Variants in MAP2K5 observed in about 807,000 individuals in gnomAD.
MAP2K5 encodes the protein dual specificity mitogen-activated protein kinase kinase 5.
MAP2K5 carries 49 observed loss-of-function variants against 83.1 expected under a neutral mutation model. The ratio of observed to expected loss-of-function variants is 0.59; its 90% CI spans 0.47 to 0.75. The LOEUF (loss-of-function observed/expected upper bound fraction) is 0.75. MAP2K5 is among the 30% of genes least tolerant of loss of function. MAP2K5 has a pLI of 0.00. For missense variants in MAP2K5, 457 were observed against 557.5 expected, an observed-to-expected ratio of 0.82 and a Z score of 1.82; for synonymous variants, 202 against 191.8, an observed-to-expected ratio of 1.05 and a Z score of -0.44.
chr15:67,663,263 C>A (rs970856047), intron 12 of MAP2K5, among the ~76,000 whole-genome samples: 8 of 152,168 alleles, frequency 5.3e-5, no homozygotes, highest in Non-Finnish European at 1.0e-4. Flanking sequence ...CACCAATTGT[C>A]CAATAATACC....
intron 11 of MAP2K5, among the ~76,000 whole-genome samples, chr15:67,654,182 T>C (rs1298528549): frequency 6.6e-6 from 1 of 152,132 alleles, no homozygotes; most frequent in African/African-American, 2.4e-5. Context: ...GTTCTTTCAG[T>C]TTATGTTTCA....
chr15:67,733,145 ATTC>A (rs937856183), intron 17 of MAP2K5, among the ~76,000 whole-genome samples: 1 of 152,194 alleles, frequency 6.6e-6, no homozygotes, highest in African/African-American at 2.4e-5. Flanking sequence ...ATTAATTTGC[ATTC>A]TTTGTCAGAA....
At chr15:67,595,390 A>G (rs1025781206) in intron 7 of MAP2K5, among the ~76,000 whole-genome samples, 19 of 152,200 alleles carry the variant, frequency 1.2e-4, no homozygotes, top group African/African-American at 4.3e-4. Context: ...CTGCTCATAG[A>G]GTGTGACTGC....
At chr15:67,558,117 A>G (rs949640256) in intron 2 of MAP2K5, among the ~76,000 whole-genome samples, 1 of 152,192 alleles carries the variant, frequency 6.6e-6, no homozygotes, top group Non-Finnish European at 1.5e-5. Context: ...GCTAATTTGT[A>G]TGAAAATTAA....
intron 13 of MAP2K5, among the ~76,000 whole-genome samples, chr15:67,667,389 C>T (rs1376170935): frequency 6.6e-6 from 1 of 152,086 alleles, no homozygotes; most frequent in Admixed American, 6.6e-5. Flanking sequence ...TTCTTAAAAG[C>T]ACATGTACTC....
intron 7 of MAP2K5, among the ~76,000 whole-genome samples, chr15:67,593,396 G>C (rs1596615353): frequency 6.6e-6 from 1 of 152,182 alleles, no homozygotes; most frequent in African/African-American, 2.4e-5. Context: ...AGTGACAGCA[G>C]ACCTTTGGCA....
Position 67,690,474 on chromosome 15 carries a change from A to C in MAP2K5, c.848-2005A>C, listed in dbSNP as rs1296083244. On this transcript the variant is annotated intron_variant, in intron 13 of 21. Coordinates refer to ENST00000178640, the MANE Select transcript of MAP2K5 (RefSeq NM_145160.3). This position sits in a 1 kb window ranked among gnomAD's most constrained non-coding sequence, Gnocchi z 4.3. Reference sequence around the variant, plus strand: ...GATGGTATAAGAATTATGTTGAAAAATTAGAGAAAACTAGACGCCAAGAGA... The same window carrying C: ...GATGGTATAAGAATTATGTTGAAAACTTAGAGAAAACTAGACGCCAAGAGA... 1.3e-5 allele frequency among the ~76,000 whole-genome samples: 2 copies of C among 152,120 alleles called. No homozygotes were observed. The highest frequency in any genetic ancestry group is 2.9e-5 in the Non-Finnish European group (2 of 68,022).
chr15:67,797,318 G>A (rs535924586), intron 21 of MAP2K5, among the ~76,000 whole-genome samples: 23 of 152,138 alleles, frequency 1.5e-4, no homozygotes, highest in Non-Finnish European at 2.2e-4. Flanking sequence ...GTATTCCTTC[G>A]GAGGTTTCTT....
At position 67,592,985 on chromosome 15, in the gene MAP2K5, T is replaced by C. The variant is rs1282560432; in HGVS notation, c.480+11T>C. On this transcript the variant is annotated intron_variant, in intron 7 of 21. Transcript: ENST00000178640. ...CTAGCCAATGGCCAGGTAGGTATTA[T>C]TATATATTAAGATTTTCACATAATA... 1.9e-6 allele frequency: 3 copies of C among 1,556,510 alleles called. No individual in the cohort carries two copies. Among genetic ancestry groups the C allele is most frequent in the Non-Finnish European group, 2.6e-6 (3 of 1,133,590 alleles).
intron 11 of MAP2K5, among the ~76,000 whole-genome samples, chr15:67,648,809 G>A (rs998120896): frequency 6.6e-6 from 1 of 152,074 alleles, no homozygotes; most frequent in African/African-American, 2.4e-5. Context: ...TCGATCTCCT[G>A]ACCTCGTGAT....
intron 11 of MAP2K5, among the ~76,000 whole-genome samples, chr15:67,653,983 G>A (rs2087011543): frequency 6.6e-6 from 1 of 151,954 alleles, no homozygotes; most frequent in African/African-American, 2.4e-5. Context: ...TTCCACATAT[G>A]CGTACTTGAG....
At chr15:67,588,396 C>CA (rs911717750) in intron 6 of MAP2K5, among the ~76,000 whole-genome samples, 4 of 152,190 alleles carry the variant, frequency 2.6e-5, no homozygotes, top group Non-Finnish European at 5.9e-5. Flanking sequence ...GATTACTACC[C>CA]ATCCCCAGTG....
At chr15:67,751,292 G>A (rs2089712908) in intron 19 of MAP2K5, among the ~76,000 whole-genome samples, 1 of 152,198 alleles carries the variant, frequency 6.6e-6, no homozygotes. Context: ...GCTCCAATCA[G>A]AAATCTTGGT....
At chr15:67,641,469 T>TA in intron 9 of MAP2K5, 1 of 1,000,578 alleles carries the variant, frequency 1.0e-6, no homozygotes, top group Non-Finnish European at 1.2e-6. Flanking sequence ...CTCCAGCAAA[T>TA]AAACGAAGTC....
At chr15:67,618,329 G>A (rs983171253) in intron 8 of MAP2K5, among the ~76,000 whole-genome samples, 9 of 152,208 alleles carry the variant, frequency 5.9e-5, no homozygotes, top group African/African-American at 1.9e-4. Context: ...GTACCTTCTC[G>A]TCTCCTTTAC....
At chr15:67,709,906 G>A (rs1306238362) in intron 16 of MAP2K5, among the ~76,000 whole-genome samples, 1 of 152,176 alleles carries the variant, frequency 6.6e-6, no homozygotes. Flanking sequence ...TATTTTCACT[G>A]AGTATGCTGT....
intron 17 of MAP2K5, among the ~76,000 whole-genome samples, chr15:67,745,708 A>G (rs936963987): frequency 2.8e-4 from 42 of 152,230 alleles, no homozygotes; most frequent in Non-Finnish European, 1.0e-4. Context: ...TAATACATCT[A>G]ACTCTATGGT....
At chr15:67,697,691 T>C (rs924303367) in intron 15 of MAP2K5, among the ~76,000 whole-genome samples, 1 of 152,218 alleles carries the variant, frequency 6.6e-6, no homozygotes, top group African/African-American at 2.4e-5. Flanking sequence ...GTATTAAGAA[T>C]CTTGCTTGTG....
rs1415127553 is a variant in MAP2K5 at position 67,770,448 on chromosome 15, G to GAGAGGAGGAGATTACCTCCTCCT, written c.1196+786_1196+787insGAGGAGGAGATTACCTCCTCCTA. Among the ~76,000 whole-genome samples the GAGAGGAGGAGATTACCTCCTCCT allele has an allele frequency of 1.3e-5, 2 of 152,154 alleles. No homozygotes were observed. ...GCCCTCTCCCTCACTCCAGCACAGA[G>GAGAGGAGGAGATTACCTCCTCCT]AATTACCTAGGAGAGAGGAGGAATT... is the stretch of plus-strand genomic sequence containing the variant. On this transcript the variant is annotated intron_variant, in intron 20 of 21. Coordinates refer to ENST00000178640, the MANE Select transcript of MAP2K5 (RefSeq NM_145160.3). The surrounding 1 kb of genome is among the most constrained non-coding windows in gnomAD (Gnocchi z 5.0).
Sources: allele counts gnomAD v4.1 joint callset (sites outside exome capture counted in the v4.1 genomes callset), GRCh38; gene constraint gnomAD v4.1.1; non-coding constraint Gnocchi (gnomAD v3.1); transcripts MANE v1.5; gene names NCBI Gene and HGNC (gene_info 2026-07-23, HGNC 2026-07-21).